Variants in TMEM108 observed in about 807,000 individuals in gnomAD.
The protein encoded by TMEM108 is cancer/testis antigen 124.
In TMEM108, 12 loss-of-function variants were observed where a neutral mutation model predicts 35.1. The observed-to-expected ratio is 0.34, with a 90% CI of 0.22 to 0.55. The LOEUF (loss-of-function observed/expected upper bound fraction) is 0.55. TMEM108 is among the 20% of genes least tolerant of loss of function. The pLI is 0.89. For synonymous variants in TMEM108, 287 were observed against 308.6 expected, an observed-to-expected ratio of 0.93 and a Z score of 0.73; for missense variants, 680 against 753.3, an observed-to-expected ratio of 0.90 and a Z score of 1.14.
intron 2 of TMEM108, among the ~76,000 whole-genome samples, chr3:133,158,896 T>C (rs1944920490): frequency 6.6e-6 from 1 of 152,214 alleles, no homozygotes; most frequent in South Asian, 2.1e-4. Context: ...TCAAGGTTTG[T>C]GAACAGGTGG....
At chr3:133,103,404 A>AG (rs1283102127) in intron 2 of TMEM108, among the ~76,000 whole-genome samples, 1 of 152,156 alleles carries the variant, frequency 6.6e-6, no homozygotes, top group Non-Finnish European at 1.5e-5. Context: ...GGACACATAG[A>AG]GGGAAACAGC....
intron 3 of TMEM108, among the ~76,000 whole-genome samples, chr3:133,304,724 C>T (rs1708368): frequency 0.12 from 17,904 of 152,032 alleles, 1,476 homozygotes; most frequent in East Asian, 0.38. Flanking sequence ...AAGGATACGC[C>T]ACAATTTGTT....
intron 2 of TMEM108, among the ~76,000 whole-genome samples, chr3:133,112,880 C>A (rs1944242853): frequency 6.6e-6 from 1 of 152,118 alleles, no homozygotes; most frequent in South Asian, 2.1e-4. Flanking sequence ...TGCAACAAAA[C>A]CCACAGGATT....
intron 2 of TMEM108, among the ~76,000 whole-genome samples, chr3:133,084,300 A>AT (rs1450022641): frequency 6.6e-6 from 1 of 152,120 alleles, no homozygotes; most frequent in Non-Finnish European, 1.5e-5. Flanking sequence ...TCAATGCTTG[A>AT]TTTTTCCCTT....
At chr3:133,265,317 A>G (rs537733612) in intron 3 of TMEM108, among the ~76,000 whole-genome samples, 1 of 152,134 alleles carries the variant, frequency 6.6e-6, no homozygotes, top group Non-Finnish European at 1.5e-5. Flanking sequence ...TGAAGCTTTG[A>G]AATAGTTCAT....
intron 3 of TMEM108, among the ~76,000 whole-genome samples, chr3:133,304,478 C>G (rs542379017): frequency 6.6e-6 from 1 of 152,162 alleles, no homozygotes; most frequent in South Asian, 2.1e-4. Flanking sequence ...CAAAAAGTTT[C>G]TTTATTGTGC....
intron 3 of TMEM108, among the ~76,000 whole-genome samples, chr3:133,248,953 A>G (rs1311359330): frequency 6.6e-6 from 1 of 152,168 alleles, no homozygotes; most frequent in Non-Finnish European, 1.5e-5. Flanking sequence ...GCTGATTAAA[A>G]GCTGCTACCT....
intron 4 of TMEM108, among the ~76,000 whole-genome samples, chr3:133,385,854 T>C (rs576691374): frequency 6.6e-6 from 1 of 152,326 alleles, no homozygotes; most frequent in Admixed American, 6.5e-5. Flanking sequence ...TCCTGTCCAC[T>C]GTGTTAGTTC....
chr3:133,087,227 T>G (rs984624816), intron 2 of TMEM108, among the ~76,000 whole-genome samples: 1 of 152,210 alleles, frequency 6.6e-6, no homozygotes, highest in African/African-American at 2.4e-5. Flanking sequence ...TCTCTGGGTC[T>G]CTGGACTTGA....
At position 133,380,545 on chromosome 3, in the gene TMEM108, A is replaced by T. The variant is rs1377812588; in HGVS notation, c.834A>T (p.Pro278=). ...TTSLGPAKDK[P]GLRRAAQGGG... ...CCCTGGGGCCTGCAAAGGACAAGCC[A>T]GGCCTTCGCAGAGCAGCCCAGGGGG... The change falls in exon 4 of 6, where the codon CCA becomes CCT. Residue 278 remains proline, a synonymous_variant. Transcript: ENST00000321871. The surrounding 1 kb of genome is among the most constrained non-coding windows in gnomAD (Gnocchi z 5.3). The T allele has an allele frequency of 6.2e-7, 1 of 1,614,022 alleles. No individual in the cohort carries two copies. The highest frequency in any genetic ancestry group is 1.1e-5 in the South Asian group (1 of 91,076).
At chr3:133,350,564 T>A (rs1417376277) in intron 3 of TMEM108, among the ~76,000 whole-genome samples, 1 of 152,164 alleles carries the variant, frequency 6.6e-6, no homozygotes, top group Non-Finnish European at 1.5e-5. Flanking sequence ...TATGTACAAT[T>A]CCAATTTGTC....
In TMEM108 at chr3:133,164,672, C is replaced by G. The variant is rs115778393; in HGVS notation, c.-46-64594C>G. Among the ~76,000 whole-genome samples, 533 of 152,238 alleles carry G rather than the reference C, an allele frequency of 3.5e-3. 4 individuals are homozygous for G. The highest frequency in any genetic ancestry group is 0.012 in the African/African-American group (514 of 41,532). On this transcript the variant is annotated intron_variant, in intron 2 of 5. Transcript: ENST00000321871. Reference sequence around the variant, plus strand: ...ACTGCTGACACAGTGGTGACTGTGGCAAGATCTTGCAGCTAAGTATGACAA... The same window carrying G: ...ACTGCTGACACAGTGGTGACTGTGGGAAGATCTTGCAGCTAAGTATGACAA...
At chr3:133,301,494 G>A (rs1370433883) in intron 3 of TMEM108, among the ~76,000 whole-genome samples, 2 of 152,132 alleles carry the variant, frequency 1.3e-5, no homozygotes, top group Non-Finnish European at 2.9e-5. Flanking sequence ...ACTATATTAT[G>A]CCATTTTTGA....
At chr3:133,124,948 G>C (rs974466862) in intron 2 of TMEM108, 2 of 152,176 alleles carry the variant, frequency 1.3e-5, no homozygotes, top group Admixed American at 6.5e-5. Flanking sequence ...GCCACGAGAA[G>C]CTAAACATGT....
chr3:133,062,166 C>T (rs1402422017), intron 2 of TMEM108, among the ~76,000 whole-genome samples: 2 of 152,180 alleles, frequency 1.3e-5, no homozygotes, highest in East Asian at 3.8e-4. Flanking sequence ...TTAGTCATTC[C>T]TTCATCCAGT....
intron 3 of TMEM108, among the ~76,000 whole-genome samples, chr3:133,241,993 A>T (rs1449316575): frequency 6.6e-6 from 1 of 152,124 alleles, no homozygotes; most frequent in Non-Finnish European, 1.5e-5. Context: ...TTGGAGGCCA[A>T]AAGTCCAAAA....
chr3:133,268,037 C>T (rs1286580243), intron 3 of TMEM108, among the ~76,000 whole-genome samples: 1 of 152,188 alleles, frequency 6.6e-6, no homozygotes, highest in African/African-American at 2.4e-5. Context: ...GGCCATCAAG[C>T]TTATGATCTG....
chr3:133,346,668 T>C lies in TMEM108; in HGVS notation c.41-33084T>C, dbSNP rs749643875. The stretch of plus-strand genomic sequence containing the variant: ...ATTTAATAAAGTCCAGCTTATCATT[T>C]TTTTCTTTCATAGGCTTTGCTTTTT... On this transcript the variant is annotated intron_variant, in intron 3 of 5. Transcript: ENST00000321871. This position sits in a 1 kb window ranked among gnomAD's most constrained non-coding sequence, Gnocchi z 4.0. Among the ~76,000 whole-genome samples the C allele has an allele frequency of 3.3e-5, 5 of 152,090 alleles. No individual in the cohort carries two copies. Among genetic ancestry groups the C allele is most frequent in the Non-Finnish European group, 5.9e-5 (4 of 67,950 alleles).
chr3:133,053,407 C>T (rs1352620451), intron 2 of TMEM108, among the ~76,000 whole-genome samples: 2 of 152,270 alleles, frequency 1.3e-5, no homozygotes, highest in African/African-American at 4.8e-5. Flanking sequence ...GGCAAAGTAG[C>T]CCCTAAATTT....
Sources: allele counts gnomAD v4.1 joint callset (sites outside exome capture counted in the v4.1 genomes callset), GRCh38; gene constraint gnomAD v4.1.1; non-coding constraint Gnocchi (gnomAD v3.1); transcripts MANE v1.5; gene names NCBI Gene and HGNC (gene_info 2026-07-23, HGNC 2026-07-21).